KREMEN2: variants seen among roughly 807,000 people sequenced by gnomAD.
KREMEN2 encodes the protein kremen protein 2.
In KREMEN2, 43 loss-of-function variants were observed where a neutral mutation model predicts 49.8. The ratio of observed to expected loss-of-function variants is 0.86; its 90% CI spans 0.68 to 1.11. The LOEUF is 1.11. Among genes scored for constraint, KREMEN2 ranks in the 50% most tolerant of loss-of-function variants. KREMEN2 has a pLI of 0.00. For missense variants in KREMEN2, 686 were observed against 665.7 expected, an observed-to-expected ratio of 1.03 and a Z score of -0.34; for synonymous variants, 355 against 304.9, an observed-to-expected ratio of 1.16 and a Z score of -1.71.
At chr16:2,964,788 G>A (rs549732237) in intron 1 of KREMEN2, 71 bp from the exon 2 acceptor site, 1 of 1,553,524 alleles carries the variant, frequency 6.4e-7, no homozygotes, top group African/African-American at 1.4e-5. Flanking sequence ...ACCCAGGCGG[G>A]AGGTGGCGTA....
chr16:2,966,150 G>A lies in KREMEN2; in HGVS notation c.280G>A (p.Gly94Ser), dbSNP rs141238126. 156 of 1,612,078 alleles carry A rather than the reference G, an allele frequency of 9.7e-5. No homozygotes were observed. In the African/African-American group the frequency reaches 1.9e-3, roughly 19 times the overall value. The change falls in exon 3 of 9, where the codon GGT becomes AGT. Residue 94 changes from glycine to serine, a missense_variant. Transcript: ENST00000303746. This position sits in a 1 kb window ranked among gnomAD's most constrained non-coding sequence, Gnocchi z 8.4. ...GAHNFCRNPD[G>S]DVQPWCYVAE... ...CCCTCCCACCCGCAGTAACCCAGACGGTGACGTGCAGCCGTGGTGCTACGT... is the reference window on the plus strand; with the variant it reads ...CCCTCCCACCCGCAGTAACCCAGACAGTGACGTGCAGCCGTGGTGCTACGT...
Position 2,966,002 on chromosome 16 carries a change from T to A in KREMEN2, c.270-138T>A, listed in dbSNP as rs1409419756. 1.4e-6 allele frequency: 1 copy of A among 695,114 alleles called. No homozygotes were observed. Among genetic ancestry groups the A allele is most frequent in the African/African-American group, 1.8e-5 (1 of 55,800 alleles). The allele number at this position is 695,114 out of a possible 1,614,324, so 43.1% of individuals were successfully genotyped here. ...GTTCTGCGTAGACAAAACTGGAATT[T>A]GTGGGTGTACAGCAGGCAGCACAGC... is the stretch of plus-strand genomic sequence containing the variant. On this transcript the variant is annotated intron_variant, in intron 2 of 8. Coordinates refer to ENST00000303746, the MANE Select transcript of KREMEN2 (RefSeq NM_172229.3). This position sits in a 1 kb window ranked among gnomAD's most constrained non-coding sequence, Gnocchi z 8.4.
chr16:2,967,265 C>T, intron 6 of KREMEN2, 23 bp downstream of exon 6: 11 of 1,354,918 alleles, frequency 8.1e-6, no homozygotes, highest in South Asian at 1.8e-5. Context: ...TCGGCGCGCC[C>T]TGCCCGCTGT....
At position 2,967,824 on chromosome 16, in the gene KREMEN2, C is replaced by G. The variant is rs998032332; in HGVS notation, c.1193C>G (p.Ala398Gly). The stretch of plus-strand genomic sequence containing the variant: ...TCCCTCTCTAGGAGCTGTCTGCTGG[C>G]TCCGGGAAAAGGGCCCCCGGCGCTG... ...RPLRRRSCLL[A>G]PGKGPPALGA... Residue 398 changes from alanine (A) to glycine (G), a missense_variant, in exon 9 of 9, where the codon GCT (alanine) becomes GGT (glycine). By Grantham distance (60) the Ala-to-Gly change is moderately conservative. Transcript: ENST00000303746. The G allele has an allele frequency of 3.2e-6, 5 of 1,550,402 alleles. No homozygotes were observed. In the African/African-American group the frequency reaches 6.8e-5, roughly 21 times the overall value.
rs2071809323 is a variant in KREMEN2 at position 2,966,017 on chromosome 16, G to A, written c.270-123G>A. Reference sequence around the variant, plus strand: ...AACTGGAATTTGTGGGTGTACAGCAGGCAGCACAGCCGCTCACAGGCACAG... The same window carrying A: ...AACTGGAATTTGTGGGTGTACAGCAAGCAGCACAGCCGCTCACAGGCACAG... On this transcript the variant is annotated intron_variant, in intron 2 of 8. Transcript: ENST00000303746. This position sits in a 1 kb window ranked among gnomAD's most constrained non-coding sequence, Gnocchi z 8.4. The A allele has an allele frequency of 7.5e-6, 6 of 795,890 alleles. No individual in the cohort carries two copies. The highest frequency in any genetic ancestry group is 1.0e-5 in the Non-Finnish European group (5 of 478,994). The allele number at this position is 795,890 out of a possible 1,614,324, so 49.3% of individuals were successfully genotyped here. A position where few individuals can be genotyped will look rare whatever the true frequency, so the allele number is the denominator to read the frequency against.
rs767001209 is a variant in KREMEN2, at chr16:2,966,800, G to A, written c.640+5G>A. The A allele has an allele frequency of 2.5e-6, 4 of 1,610,330 alleles. No homozygotes were observed. Among genetic ancestry groups the A allele is most frequent in the South Asian group, 1.1e-5 (1 of 90,914 alleles). On this transcript the variant is annotated splice_donor_5th_base_variant and intron_variant, in intron 5 of 8. Transcript: ENST00000303746. The surrounding 1 kb of genome is among the most constrained non-coding windows in gnomAD (Gnocchi z 8.4). The stretch of plus-strand genomic sequence containing the variant: ...GGCGGCTGGGCGTCTATGAAGGTGA[G>A]GAGTGGGCGGGGACCAGGGGCCTGG...
At position 2,966,913 on chromosome 16, in the gene KREMEN2, C is replaced by G. The variant is rs1457965886; in HGVS notation, c.644C>G (p.Ser215Trp). 1.3e-6 allele frequency: 2 copies of G among 1,544,762 alleles called. No individual in the cohort carries two copies. The highest frequency in any genetic ancestry group is 3.4e-4 in the Middle Eastern group (2 of 5,870). ...TGACTGCCGGCCCCGCCCGCAGTGT[C>G]GGTGGGCTCCTGCCAGGGGAACTGG... ...GDGRLGVYEV[S>W]VGSCQGNWTA... Residue 215 changes from serine to tryptophan, a missense_variant, in exon 6 of 9, where the codon TCG (serine) becomes TGG (tryptophan). Physicochemically the swap from Ser to Trp is radical, Grantham distance 177. Coordinates refer to ENST00000303746, the MANE Select transcript of KREMEN2 (RefSeq NM_172229.3). This position sits in a 1 kb window ranked among gnomAD's most constrained non-coding sequence, Gnocchi z 8.4.
In KREMEN2 at chr16:2,967,399, C is replaced by A; in HGVS notation, c.1053C>A (p.Asn351Lys). Residue 351 changes from asparagine to lysine, a missense_variant, in exon 7 of 9, where the codon AAC becomes AAA. By Grantham distance (94) the Asn-to-Lys change is moderately conservative (BLOSUM62 0). Coordinates refer to ENST00000303746, the MANE Select transcript of KREMEN2 (RefSeq NM_172229.3). ...QTPAAPLDGA[N>K]VSCSPRPGAP... ...CCGCGGCGCCCCTCGACGGGGCCAA[C>A]GTGAGCTGCAGCCCCAGGCCTGGGG... 1 of 1,398,866 alleles carries A rather than the reference C, an allele frequency of 7.1e-7. No individual in the cohort carries two copies. 86.7% of individuals were successfully genotyped at this position (1,398,866 alleles called of 1,614,324 possible). A position where few individuals can be genotyped will look rare whatever the true frequency, so the allele number is the denominator to read the frequency against.
At position 2,967,242 on chromosome 16, in the gene KREMEN2, G is replaced by T; in HGVS notation, c.973G>T (p.Gly325Trp). ...GCAAGGCTTCGCGCTCACCTACCGCGGTGAGCCTCAGCTCGGCGCGCCCTG... is the reference window on the plus strand; with the variant it reads ...GCAAGGCTTCGCGCTCACCTACCGCTGTGAGCCTCAGCTCGGCGCGCCCTG... The part of the protein sequence containing the change: ...HAQGFALTYR[G>W]LQDAAEDPEA... The change falls in exon 6 of 9, where the codon GGG (glycine) becomes TGG (tryptophan). Residue 325 changes from glycine to tryptophan, a missense_variant and splice_region_variant. Coordinates refer to ENST00000303746, the MANE Select transcript of KREMEN2 (RefSeq NM_172229.3). 2.2e-6 allele frequency: 3 copies of T among 1,351,828 alleles called. No homozygotes were observed. Among genetic ancestry groups the T allele is most frequent in the Non-Finnish European group, 1.9e-6 (2 of 1,060,386 alleles). 83.7% of individuals were successfully genotyped at this position (1,351,828 alleles called of 1,614,324 possible). A position where few individuals can be genotyped will look rare whatever the true frequency, so the allele number is the denominator to read the frequency against.
At chr16:2,965,622 T>A (rs2071802424) in intron 2 of KREMEN2, among the ~76,000 whole-genome samples, 1 of 151,914 alleles carries the variant, frequency 6.6e-6, no homozygotes. Flanking sequence ...ATACAAAAAA[T>A]TAGCGGGGCA....
In KREMEN2 at chr16:2,964,660, C is replaced by T. The variant is rs751507121; in HGVS notation, c.94+46C>T. On this transcript the variant is annotated intron_variant, in intron 1 of 8. Coordinates refer to ENST00000303746, the MANE Select transcript of KREMEN2 (RefSeq NM_172229.3). ...CGGGCCGTGTTCACCACCCCTTCCT[C>T]GGCCTCCGCCCCCAGGGCCAGGCCC... 6.6e-6 allele frequency: 10 copies of T among 1,504,148 alleles called. No homozygotes were observed. The East Asian group carries it at 7.0e-5, about 11-fold the overall frequency. 93.2% of individuals were successfully genotyped at this position (1,504,148 alleles called of 1,614,324 possible).
Position 2,967,058 on chromosome 16 carries a change from C to T in KREMEN2, c.789C>T (p.Phe263=). Residue 263 remains phenylalanine (F), a synonymous_variant, in exon 6 of 9, where the codon TTC becomes TTT. Transcript: ENST00000303746. ...CGCTGGAGCTCACCTTCCGCCTCTT[C>T]GAGCTGGCCGACCCGCGCGACCGGC... ...GAALELTFRL[F]ELADPRDRLE... is the part of the protein sequence containing the mutation. The T allele has an allele frequency of 6.5e-7, 1 of 1,531,590 alleles. No homozygotes were observed. Among genetic ancestry groups the T allele is most frequent in the Non-Finnish European group, 8.7e-7 (1 of 1,142,990 alleles). 94.9% of individuals were successfully genotyped at this position (1,531,590 alleles called of 1,614,324 possible).
chr16:2,964,649 C>G (rs750245460), intron 1 of KREMEN2, 35 bp downstream of exon 1: 2 of 1,530,872 alleles, frequency 1.3e-6, no homozygotes, highest in South Asian at 2.4e-5. Flanking sequence ...CCGTGTTCAC[C>G]ACCCCTTCCT....
At position 2,966,337 on chromosome 16, in the gene KREMEN2, TG is replaced by T; in HGVS notation, c.377del (p.Gly126AspfsTer33). 6.2e-7 allele frequency: 1 copy of T among 1,612,212 alleles called. No homozygotes were observed. Among genetic ancestry groups the T allele is most frequent in the Non-Finnish European group, 8.5e-7 (1 of 1,179,974 alleles). ...TCTGCCCCCTCAGTGCCAGGCTACCTGGGATGCTTTGTGGACTCAGGGGCAC... is the reference window on the plus strand; with the variant it reads ...TCTGCCCCCTCAGTGCCAGGCTACCTGGATGCTTTGTGGACTCAGGGGCAC... ...DIPSCHMPGY[L>X]GCFVDSGAPP... On this transcript the variant is annotated frameshift_variant, in exon 4 of 9. Coordinates refer to ENST00000303746, the MANE Select transcript of KREMEN2 (RefSeq NM_172229.3). LOFTEE classifies it high-confidence loss of function. The surrounding 1 kb of genome is among the most constrained non-coding windows in gnomAD (Gnocchi z 8.4).
Position 2,968,198 on chromosome 16 carries a change from C to T in KREMEN2, c.*178C>T. 1.1e-6 allele frequency: 1 copy of T among 903,748 alleles called. No homozygotes were observed. Among genetic ancestry groups the T allele is most frequent in the Non-Finnish European group, 1.7e-6 (1 of 586,394 alleles). 56.0% of individuals were successfully genotyped at this position (903,748 alleles called of 1,614,324 possible). A position where few individuals can be genotyped will look rare whatever the true frequency, so the allele number is the denominator to read the frequency against. ...GCTATTATCTGGGACTTGGCCTGAC[C>T]GTGGGGGTCCAGATGGTCCAGGCCC... On this transcript the variant is annotated 3_prime_UTR_variant, in exon 9 of 9. Transcript: ENST00000303746.
chr16:2,965,760 G>T (rs139530230), intron 2 of KREMEN2, among the ~76,000 whole-genome samples: 1,422 of 136,614 alleles, frequency 0.01, 17 homozygotes, highest in Non-Finnish European at 0.016. Context: ...GACAGAGCGA[G>T]ACTCGTCTCA....
chr16:2,967,651 G>A (rs1282080046), intron 8 of KREMEN2, 47 bp downstream of exon 8: 14 of 1,537,344 alleles, frequency 9.1e-6, no homozygotes, highest in East Asian at 2.4e-5. Context: ...GTGGTGGGGA[G>A]CTGGAGCCCC....
chr16:2,964,474 G>C lies in KREMEN2; in HGVS notation c.-47G>C. On this transcript the variant is annotated 5_prime_UTR_variant, in exon 1 of 9. Transcript: ENST00000303746. ...AGACCCCGAAGCGACCCCGGGGGCA[G>C]CCCGGGCCGTGTCCGGGCGAGGGTG... 7.0e-7 allele frequency: 1 copy of C among 1,436,218 alleles called. No homozygotes were observed. The highest frequency in any genetic ancestry group is 9.4e-7 in the Non-Finnish European group (1 of 1,062,296). The allele number at this position is 1,436,218 out of a possible 1,614,324, so 89.0% of individuals were successfully genotyped here.
At position 2,966,488 on chromosome 16, in the gene KREMEN2, G is replaced by T; in HGVS notation, c.486+39G>T. The T allele has an allele frequency of 6.2e-7, 1 of 1,603,890 alleles. No homozygotes were observed. Among genetic ancestry groups the T allele is most frequent in the South Asian group, 1.1e-5 (1 of 90,848 alleles). On this transcript the variant is annotated intron_variant, in intron 4 of 8. Coordinates refer to ENST00000303746, the MANE Select transcript of KREMEN2 (RefSeq NM_172229.3). The surrounding 1 kb of genome is among the most constrained non-coding windows in gnomAD (Gnocchi z 8.4). ...GCCCAGACCAGTGACCCCTGACCTG[G>T]ACCTAAAGACCACACTCAACTCCCA...
Sources: allele counts gnomAD v4.1 joint callset (sites outside exome capture counted in the v4.1 genomes callset), GRCh38; gene constraint gnomAD v4.1.1; non-coding constraint Gnocchi (gnomAD v3.1); transcripts MANE v1.5; gene names NCBI Gene and HGNC (gene_info 2026-07-23, HGNC 2026-07-21).